The following PON2 variants were observed in gnomAD, a reference collection of about 807,000 sequenced individuals.
PON2 encodes the protein serum paraoxonase/arylesterase 2.
PON2 carries 27 observed loss-of-function variants against 36.6 expected under a neutral mutation model. The observed-to-expected ratio is 0.74, with a 90% CI of 0.54 to 1.02. The LOEUF is 1.02. Ranked by LOEUF, PON2 falls within the 50% of genes least tolerant of loss-of-function variation. The pLI is 0.00. For synonymous variants in PON2, 149 were observed against 156.3 expected (o/e 0.95, Z 0.35); for missense variants, 363 against 421.1 (o/e 0.86, Z 1.21).
chr7:95,417,504 G>C (rs1208057538), intron 2 of PON2, among the ~76,000 whole-genome samples: 1 of 151,976 alleles, frequency 6.6e-6, no homozygotes, highest in Non-Finnish European at 1.5e-5. Flanking sequence ...GCACAGATGA[G>C]AACGTTTCTG....
chr7:95,410,597 A>G (rs1788898691), intron 5 of PON2, among the ~76,000 whole-genome samples: 1 of 152,234 alleles, frequency 6.6e-6, no homozygotes. Flanking sequence ...TGCTTCACAA[A>G]GCTGACATGC....
At chr7:95,417,933 A>G (rs1403442244) in intron 2 of PON2, among the ~76,000 whole-genome samples, 3 of 152,164 alleles carry the variant, frequency 2.0e-5, no homozygotes, top group Non-Finnish European at 4.4e-5. Flanking sequence ...CTTTGTTTAA[A>G]ATTTTCTACA....
At chr7:95,432,967 G>C (rs776422426) in intron 1 of PON2, among the ~76,000 whole-genome samples, 3 of 152,140 alleles carry the variant, frequency 2.0e-5, no homozygotes, top group Non-Finnish European at 2.9e-5. Flanking sequence ...CTGACCTACT[G>C]CAATACCTTA....
intron 1 of PON2, among the ~76,000 whole-genome samples, chr7:95,428,992 A>G (rs779451933): frequency 6.6e-6 from 1 of 152,168 alleles, no homozygotes; most frequent in Non-Finnish European, 1.5e-5. Context: ...GGTAAATAGT[A>G]GAGCTATGAA....
At chr7:95,431,117 T>G (rs567348749) in intron 1 of PON2, among the ~76,000 whole-genome samples, 30 of 152,172 alleles carry the variant, frequency 2.0e-4, no homozygotes, top group Non-Finnish European at 3.5e-4. Context: ...TGGGAATATT[T>G]GTATACTGTT....
At chr7:95,424,611 A>G in intron 1 of PON2, 26 bp from the exon 2 acceptor site, 1 of 1,579,922 alleles carries the variant, frequency 6.3e-7, no homozygotes, top group Non-Finnish European at 8.7e-7. Context: ...AAAAACAAAA[A>G]ACAAAAAACT....
chr7:95,433,738 C>T (rs557854420), intron 1 of PON2, among the ~76,000 whole-genome samples: 1 of 152,312 alleles, frequency 6.6e-6, no homozygotes, highest in Admixed American at 6.5e-5. Context: ...CACCTTAGCC[C>T]CTTTGCTCCT....
chr7:95,431,260 T>C (rs768235661), intron 1 of PON2, among the ~76,000 whole-genome samples: 12 of 152,192 alleles, frequency 7.9e-5, no homozygotes, highest in Non-Finnish European at 1.6e-4. Context: ...AAAATTGAAG[T>C]GGGCAACCTG....
intron 5 of PON2, among the ~76,000 whole-genome samples, chr7:95,411,050 A>G (rs952622599): frequency 2.0e-5 from 3 of 152,194 alleles, no homozygotes; most frequent in Non-Finnish European, 4.4e-5. Flanking sequence ...TAAAAGAAGC[A>G]GTAGGCTAAT....
intron 1 of PON2, among the ~76,000 whole-genome samples, chr7:95,433,743 G>A (rs899720038): frequency 2.6e-5 from 4 of 152,050 alleles, no homozygotes; most frequent in African/African-American, 9.7e-5. Context: ...TAGCCCCTTT[G>A]CTCCTGCTGC....
chr7:95,416,582 A>G, intron 2 of PON2: 1 of 446,392 alleles, frequency 2.2e-6, no homozygotes, highest in Non-Finnish European at 4.1e-6. Context: ...GTACACTCTC[A>G]TGATAAACAT....
At chr7:95,424,480 T>C (rs375702957) in intron 2 of PON2, 35 bp downstream of exon 2, 4 of 1,567,352 alleles carry the variant, frequency 2.6e-6, no homozygotes, top group Non-Finnish European at 3.5e-6. Flanking sequence ...GGCCAAAAAA[T>C]GCAATGTGCC....
intron 1 of PON2, among the ~76,000 whole-genome samples, chr7:95,428,358 ACCAAGGAAT>A (rs1789362905): frequency 6.6e-6 from 1 of 152,126 alleles, no homozygotes; most frequent in South Asian, 2.1e-4. Flanking sequence ...GAGTCCAGTG[ACCAAGGAAT>A]CCATGGGTAG....
Position 95,406,191 on chromosome 7 carries a change from G to A in PON2, c.834C>T (p.Asp278=). ...CATTAGGATGACAGCCTACCCAGAT[G>A]TCCCCCGAGGAAGGATCAATAGATA... ...DNLSIDPSSG[D]IWVGCHPNGQ... The change falls in exon 8 of 9, where the codon GAC becomes GAT. Residue 278 remains aspartate (D), a synonymous_variant. Transcript: ENST00000222572. The A allele has an allele frequency of 6.2e-7, 1 of 1,612,610 alleles. No individual in the cohort carries two copies. The highest frequency in any genetic ancestry group is 8.5e-7 in the Non-Finnish European group (1 of 1,178,664).
chr7:95,433,488 C>T (rs1789489405), intron 1 of PON2, among the ~76,000 whole-genome samples: 1 of 152,152 alleles, frequency 6.6e-6, no homozygotes, highest in African/African-American at 2.4e-5. Context: ...TTGCTCTCCT[C>T]CAATCCCCCC....
chr7:95,415,565 A>C (rs913571132), intron 3 of PON2, among the ~76,000 whole-genome samples: 10 of 152,216 alleles, frequency 6.6e-5, no homozygotes, highest in African/African-American at 2.4e-4. Context: ...ATAGTAATAG[A>C]AAGATGAGTA....
At chr7:95,407,121 T>G in intron 6 of PON2, 53 bp from the exon 7 acceptor site, 1 of 1,151,666 alleles carries the variant, frequency 8.7e-7, no homozygotes, top group Non-Finnish European at 1.3e-6. Context: ...AAAGCTTCAT[T>G]AATACAGTGT....
chr7:95,425,946 T>C (rs922176810), intron 1 of PON2, among the ~76,000 whole-genome samples: 3 of 152,072 alleles, frequency 2.0e-5, no homozygotes, highest in African/African-American at 4.8e-5. Flanking sequence ...AAAAATACAA[T>C]AAATCTCATG....
At position 95,405,624 on chromosome 7, in the gene PON2, T is replaced by C. The variant is rs186290446; in HGVS notation, c.907-136A>G. The C allele has an allele frequency of 5.3e-4, 467 of 880,828 alleles. 3 individuals carry two copies. In the African/African-American group the frequency reaches 6.7e-3, roughly 13 times the overall value. The allele number at this position is 880,828 out of a possible 1,614,324, so 54.6% of individuals were successfully genotyped here. On this transcript the variant is annotated intron_variant, in intron 8 of 8. Coordinates refer to ENST00000222572, the MANE Select transcript of PON2 (RefSeq NM_000305.3). Reference sequence around the variant, plus strand: ...TGAAAATAGCAGTTACCAATCTTTTTAATGTTTAAATTAAAGTACTTTCTC... The same window carrying C: ...TGAAAATAGCAGTTACCAATCTTTTCAATGTTTAAATTAAAGTACTTTCTC...
Sources: gnomAD v4.1 joint callset for allele counts (sites outside exome capture counted in the v4.1 genomes callset) on GRCh38, gnomAD v4.1.1 for gene constraint, MANE v1.5 for transcripts, NCBI Gene and HGNC (gene_info 2026-07-23, HGNC 2026-07-21) for gene names.